The following NDE1 variants were observed in gnomAD, a reference collection of about 807,000 sequenced individuals.
NDE1 encodes the protein nudE neurodevelopment protein 1.
A neutral mutation model predicts 43.4 loss-of-function variants in NDE1; 28 were observed. The ratio of observed to expected loss-of-function variants is 0.65; its 90% confidence interval spans 0.48 to 0.89. NDE1 has a LOEUF of 0.89. Among genes scored for constraint, NDE1 ranks in the 40% least tolerant of loss-of-function variants. The pLI is 0.00. For synonymous variants in NDE1, 184 were observed against 172.0 expected, an observed-to-expected ratio of 1.07 and a Z score of -0.55; for missense variants, 441 against 434.1, an observed-to-expected ratio of 1.02 and a Z score of -0.14.
At chr16:15,688,053 G>A (rs2038529788) in intron 5 of NDE1, among the ~76,000 whole-genome samples, 1 of 152,160 alleles carries the variant, frequency 6.6e-6, no homozygotes. Flanking sequence ...GCATGTGCCT[G>A]TAGTCCCAGC....
At chr16:15,665,681 G>C (rs780175137) in intron 2 of NDE1, among the ~76,000 whole-genome samples, 2 of 151,644 alleles carry the variant, frequency 1.3e-5, no homozygotes, top group Non-Finnish European at 2.9e-5. Flanking sequence ...CTGGCTTCAC[G>C]TGATCTGCCC....
At chr16:15,650,487 C>G (rs1235529300) in intron 1 of NDE1, among the ~76,000 whole-genome samples, 193 bp downstream of exon 1, 2 of 152,252 alleles carry the variant, frequency 1.3e-5, no homozygotes, top group African/African-American at 4.8e-5. Flanking sequence ...TCCAAAATCC[C>G]GCCTCCCTGG....
At chr16:15,679,780 T>TTG (rs1266935043) in intron 4 of NDE1, among the ~76,000 whole-genome samples, 2 of 150,328 alleles carry the variant, frequency 1.3e-5, no homozygotes, top group African/African-American at 5.0e-5. Flanking sequence ...TAGTTGTTTT[T>TTG]TGTTTTTGTT....
intron 8 of NDE1, chr16:15,719,848 G>T: frequency 7.6e-7 from 1 of 1,317,424 alleles, no homozygotes; most frequent in Non-Finnish European, 1.1e-6. Context: ...CACGAGCATG[G>T]CTCTCAGTTC....
rs774214206 is a variant in NDE1, at chr16:15,694,214, A to G, written c.753A>G (p.Ile251Met). Residue 251 changes from isoleucine (I) to methionine (M), a missense_variant, in exon 7 of 9, where the codon ATA (isoleucine) becomes ATG (methionine). By Grantham distance (10) the Ile-to-Met change is conservative. Coordinates refer to ENST00000396354, the MANE Select transcript of NDE1 (RefSeq NM_017668.3). The part of the protein sequence containing the change: ...GGTPLTPAAR[I>M]SALNIVGDLL... ...CCCCCCTCACACCTGCGGCCCGGAT[A>G]TCAGCCCTCAACATTGTGGGAGACC... The G allele has an allele frequency of 5.6e-6, 9 of 1,613,598 alleles. No homozygotes were observed. The highest frequency in any genetic ancestry group is 6.8e-6 in the Non-Finnish European group (8 of 1,180,022).
chr16:15,718,683 C>T (rs143390969), intron 8 of NDE1: 121 of 582,844 alleles, frequency 2.1e-4, no homozygotes, highest in South Asian at 1.1e-3. Flanking sequence ...CCTGACTCTT[C>T]CTGGCCTCCC....
intron 8 of NDE1, among the ~76,000 whole-genome samples, chr16:15,711,518 G>GGTAT (rs2039793264): frequency 6.6e-6 from 1 of 152,022 alleles, no homozygotes; most frequent in Admixed American, 6.6e-5. Context: ...ATATAGAGGA[G>GGTAT]GTATGTTTAT....
At chr16:15,678,290 T>C (rs569976917) in intron 4 of NDE1, among the ~76,000 whole-genome samples, 1 of 152,136 alleles carries the variant, frequency 6.6e-6, no homozygotes, top group Admixed American at 6.6e-5. Context: ...AGGAGGGGTG[T>C]GAGACAAGAA....
rs4781679 is a variant in NDE1, at chr16:15,667,576, C to G, written c.237+137C>G. On this transcript the variant is annotated intron_variant, in intron 3 of 8. Coordinates refer to ENST00000396354, the MANE Select transcript of NDE1 (RefSeq NM_017668.3). The stretch of plus-strand genomic sequence containing the variant: ...ATGCTCATCTCTGGAAGGGCCTGTG[C>G]GGCAGACGTGATCTTTGAACTCTTT... 673,568 of 1,009,622 alleles carry G rather than the reference C, an allele frequency of 0.67. 227,887 individuals are homozygous for G. The highest frequency in any genetic ancestry group is 0.9 in the African/African-American group (55,540 of 61,930). 62.5% of individuals were successfully genotyped at this position (1,009,622 alleles called of 1,614,324 possible). A position where few individuals can be genotyped will look rare whatever the true frequency, so the allele number is the denominator to read the frequency against.
chr16:15,647,333 C>A (rs1010601321), upstream of NDE1, among the ~76,000 whole-genome samples: 4 of 152,160 alleles, frequency 2.6e-5, no homozygotes, highest in Non-Finnish European at 5.9e-5. Context: ...TAGCATAGTG[C>A]TGAAGAAGGA....
chr16:15,687,018 TG>T (rs1691959041), intron 4 of NDE1: 1 of 985,334 alleles, frequency 1.0e-6, no homozygotes, highest in Admixed American at 6.2e-5. Flanking sequence ...TTTTTAATGC[TG>T]GTTGGCATTG....
At chr16:15,719,397 G>A in intron 8 of NDE1, 1 of 1,503,678 alleles carries the variant, frequency 6.7e-7, no homozygotes, top group Non-Finnish European at 9.1e-7. Flanking sequence ...ACCCTTGAAA[G>A]TACATGTTCT....
chr16:15,699,263 CTTT>C (rs35193827), intron 8 of NDE1, among the ~76,000 whole-genome samples: 4 of 138,998 alleles, frequency 2.9e-5, no homozygotes, highest in African/African-American at 7.8e-5. Context: ...CATGCCTGGC[CTTT>C]TTTTTTTTTT....
At chr16:15,680,589 G>T (rs2038126207) in intron 4 of NDE1, among the ~76,000 whole-genome samples, 1 of 152,112 alleles carries the variant, frequency 6.6e-6, no homozygotes, top group Non-Finnish European at 1.5e-5. Context: ...GCTGGAGCTG[G>T]AGTTCAGTGG....
intron 8 of NDE1, 43 bp downstream of exon 8, chr16:15,696,903 G>C: frequency 2.5e-6 from 4 of 1,603,256 alleles, no homozygotes; most frequent in Non-Finnish European, 3.4e-6. Context: ...GGGAGAACCC[G>C]CCTGCCCCAG....
At chr16:15,719,346 A>C in intron 8 of NDE1, 1 of 1,600,306 alleles carries the variant, frequency 6.2e-7, no homozygotes, top group Non-Finnish European at 8.5e-7. Flanking sequence ...CTGCCAGGGA[A>C]AGGCCAAGCC....
rs188992637 is a variant in NDE1 at position 15,645,233 on chromosome 16, T to C, written c.-166+1306T>C. ...TGACCACATTTTCTTTATATGTATATTTTTCTTTTAGATTCCTTTTTACCA... is the reference window on the plus strand; with the variant it reads ...TGACCACATTTTCTTTATATGTATACTTTTCTTTTAGATTCCTTTTTACCA... On this transcript the variant is annotated intron_variant, in intron 1 of 9. Transcript: ENST00000396355. 5.0e-3 allele frequency among the ~76,000 whole-genome samples: 762 copies of C among 152,260 alleles called. 6 individuals are homozygous for C. Among genetic ancestry groups the C allele is most frequent in the Non-Finnish European group, 7.8e-3 (531 of 68,028 alleles).
At chr16:15,710,121 G>A (rs2039695885) in intron 8 of NDE1, among the ~76,000 whole-genome samples, 1 of 152,180 alleles carries the variant, frequency 6.6e-6, no homozygotes, top group Non-Finnish European at 1.5e-5. Context: ...GTGTATTCGT[G>A]TCGGAACTGG....
At chr16:15,716,437 G>A (rs1439521474) in intron 8 of NDE1, among the ~76,000 whole-genome samples, 2 of 152,172 alleles carry the variant, frequency 1.3e-5, no homozygotes, top group African/African-American at 4.8e-5. Context: ...GTGATCATAT[G>A]CCTCATTCGA....
Sources: allele counts gnomAD v4.1 joint callset (sites outside exome capture counted in the v4.1 genomes callset), GRCh38; gene constraint gnomAD v4.1.1; transcripts MANE v1.5; gene names NCBI Gene and HGNC (gene_info 2026-07-23, HGNC 2026-07-21).